NALF1: variants seen among roughly 807,000 people sequenced by gnomAD.
The protein encoded by NALF1 is NALCN channel auxiliary factor 1.
NALF1 carries 3 observed loss-of-function variants against 48.4 expected under a neutral mutation model. The observed-to-expected ratio is 0.06, with a 90% CI of 0.03 to 0.16. The LOEUF (loss-of-function observed/expected upper bound fraction) is 0.16, where lower values mean the gene tolerates loss of function less well. Ranked by LOEUF, NALF1 falls within the 10% of genes least tolerant of loss-of-function variation. The pLI is 1.00. For synonymous variants in NALF1, 262 were observed against 245.7 expected, an observed-to-expected ratio of 1.07 and a Z score of -0.62; for missense variants, 526 against 571.5, an observed-to-expected ratio of 0.92 and a Z score of 0.81.
chr13:107,862,602 A>G (rs57809956), intron 1 of NALF1, among the ~76,000 whole-genome samples: 33,026 of 151,844 alleles, frequency 0.22, 3,859 homozygotes, highest in East Asian at 0.48. Flanking sequence ...ATATATTTAC[A>G]TTTATCAGAA....
At chr13:107,297,971 A>G (rs1881755858) in intron 1 of NALF1, among the ~76,000 whole-genome samples, 1 of 152,210 alleles carries the variant, frequency 6.6e-6, no homozygotes, top group Non-Finnish European at 1.5e-5. Flanking sequence ...CACATCTTAC[A>G]GTAAAACCCA....
chr13:107,768,975 C>G (rs895352443), intron 1 of NALF1, among the ~76,000 whole-genome samples: 16 of 151,934 alleles, frequency 1.1e-4, no homozygotes, highest in Non-Finnish European at 2.2e-4. Context: ...AAATGCAAAT[C>G]AAAACTACAA....
chr13:107,677,957 T>G (rs1881174858), intron 1 of NALF1, among the ~76,000 whole-genome samples: 1 of 152,176 alleles, frequency 6.6e-6, no homozygotes, highest in Admixed American at 6.5e-5. Context: ...CCTTTAAACG[T>G]CCATAGCATA....
chr13:107,485,494 C>T (rs1885315436), intron 1 of NALF1, among the ~76,000 whole-genome samples: 1 of 152,164 alleles, frequency 6.6e-6, no homozygotes, highest in African/African-American at 2.4e-5. Flanking sequence ...ACTCTACCTT[C>T]CACCACATCA....
At chr13:107,405,386 G>A (rs988427124) in intron 1 of NALF1, among the ~76,000 whole-genome samples, 15 of 152,048 alleles carry the variant, frequency 9.9e-5, no homozygotes, top group Non-Finnish European at 1.8e-4. Flanking sequence ...TTGGCTGGTG[G>A]ATGCTCTCTT....
At chr13:107,324,361 G>A (rs139907438) in intron 1 of NALF1, among the ~76,000 whole-genome samples, 7 of 152,046 alleles carry the variant, frequency 4.6e-5, no homozygotes, top group East Asian at 3.9e-4. Context: ...GATTTAATAC[G>A]CTTACCTAAA....
At chr13:107,256,013 C>T (rs923976918) in intron 1 of NALF1, among the ~76,000 whole-genome samples, 6 of 152,084 alleles carry the variant, frequency 3.9e-5, no homozygotes, top group East Asian at 1.9e-4. Context: ...ATGTTCAGTA[C>T]CAAAATATGC....
In NALF1 at chr13:107,866,742, C is replaced by T. The variant is rs921268787; in HGVS notation, c.-146G>A. 1.3e-4 allele frequency: 82 copies of T among 635,494 alleles called. 1 individual carries two copies. Among genetic ancestry groups the T allele is most frequent in the Non-Finnish European group, 2.1e-4 (79 of 369,336 alleles). The allele number at this position is 635,494 out of a possible 1,614,324, so 39.4% of individuals were successfully genotyped here. On this transcript the variant is annotated 5_prime_UTR_variant, in exon 1 of 3. Transcript: ENST00000375915. The surrounding 1 kb of genome is among the most constrained non-coding windows in gnomAD (Gnocchi z 4.4). Reference sequence around the variant, plus strand: ...TCCTCTCTCTCTTTCTCTCTCTTCCCCTCTCCCTCTCTCCTCTCTCTCTCT... The same window carrying T: ...TCCTCTCTCTCTTTCTCTCTCTTCCTCTCTCCCTCTCTCCTCTCTCTCTCT...
At chr13:107,260,057 T>G (rs1880899877) in intron 1 of NALF1, among the ~76,000 whole-genome samples, 1 of 152,188 alleles carries the variant, frequency 6.6e-6, no homozygotes, top group South Asian at 2.1e-4. Flanking sequence ...CATGGAAAGT[T>G]TAATCAAGAA....
intron 1 of NALF1, among the ~76,000 whole-genome samples, chr13:107,504,397 G>A (rs1309976742): frequency 6.6e-6 from 1 of 152,054 alleles, no homozygotes; most frequent in African/African-American, 2.4e-5. Flanking sequence ...ATTGTGGAGG[G>A]ATTTTTGTTA....
chr13:107,167,369 T>C lies in NALF1; in HGVS notation c.*3128A>G, dbSNP rs1050481663. On this transcript the variant is annotated 3_prime_UTR_variant, in exon 3 of 3. Transcript: ENST00000375915. ...CTCAAGTGTGTGCCAGGAAAACTAC[T>C]ACAAAGAATCAACGGATGTAGTGAA... 6.6e-6 allele frequency: 1 copy of C among 152,202 alleles called. No individual in the cohort carries two copies. The highest frequency in any genetic ancestry group is 1.5e-5 in the Non-Finnish European group (1 of 68,030). The allele number at this position is 152,202 out of a possible 1,614,324, so 9.4% of individuals were successfully genotyped here.
At chr13:107,827,437 T>G (rs979610392) in intron 1 of NALF1, among the ~76,000 whole-genome samples, 1 of 152,188 alleles carries the variant, frequency 6.6e-6, no homozygotes, top group Non-Finnish European at 1.5e-5. Flanking sequence ...AAAGCATCTG[T>G]CAGAGTCAGA....
intron 1 of NALF1, among the ~76,000 whole-genome samples, chr13:107,806,262 C>A (rs1257579921): frequency 2.0e-5 from 3 of 152,120 alleles, no homozygotes; most frequent in African/African-American, 7.2e-5. Context: ...GTAGTCACTA[C>A]TGATGTGGCT....
At chr13:107,327,893 C>T (rs913681314) in intron 1 of NALF1, among the ~76,000 whole-genome samples, 4 of 151,976 alleles carry the variant, frequency 2.6e-5, no homozygotes, top group African/African-American at 4.8e-5. Flanking sequence ...CCTAGTTATC[C>T]TTCAGATCTC....
At chr13:107,654,446 G>A (rs1275345708) in intron 1 of NALF1, among the ~76,000 whole-genome samples, 1 of 152,052 alleles carries the variant, frequency 6.6e-6, no homozygotes, top group Non-Finnish European at 1.5e-5. Flanking sequence ...ATTAAGCCAG[G>A]AATATATAGA....
At chr13:107,717,974 A>G (rs1027669655) in intron 1 of NALF1, among the ~76,000 whole-genome samples, 5 of 152,116 alleles carry the variant, frequency 3.3e-5, no homozygotes, top group Middle Eastern at 3.2e-3. Flanking sequence ...CTCACTCTCA[A>G]TTAGACCCAG....
At position 107,417,799 on chromosome 13, in the gene NALF1, A is replaced by G. The variant is rs188826089; in HGVS notation, c.916-207044T>C. ...GGGCTAGCTGGGCGCAGTTGCTTAC[A>G]TCTGTAATCCCAGCACTTTGGGAGG... On this transcript the variant is annotated intron_variant, in intron 1 of 2. Transcript: ENST00000375915. 3.5e-3 allele frequency among the ~76,000 whole-genome samples: 528 copies of G among 152,286 alleles called. 1 individual carries two copies. Among genetic ancestry groups the G allele is most frequent in the Non-Finnish European group, 6.0e-3 (411 of 68,016 alleles).
intron 1 of NALF1, among the ~76,000 whole-genome samples, chr13:107,675,047 C>T (rs976841563): frequency 2.0e-5 from 3 of 151,972 alleles, no homozygotes; most frequent in African/African-American, 7.2e-5. Flanking sequence ...GTTAGAGGTC[C>T]CCTGTGGTAG....
At chr13:107,864,690 A>G (rs1302729264) in intron 1 of NALF1, among the ~76,000 whole-genome samples, 3 of 152,198 alleles carry the variant, frequency 2.0e-5, no homozygotes, top group African/African-American at 2.4e-5. Flanking sequence ...TCACTGCAGT[A>G]TCTTCATCTT....
Sources: allele counts gnomAD v4.1 joint callset (sites outside exome capture counted in the v4.1 genomes callset), GRCh38; gene constraint gnomAD v4.1.1; non-coding constraint Gnocchi (gnomAD v3.1); transcripts MANE v1.5; gene names NCBI Gene and HGNC (gene_info 2026-07-23, HGNC 2026-07-21).